The following HMGCLL1 variants were observed in gnomAD, a reference collection of about 807,000 sequenced individuals.
HMGCLL1 encodes 3-hydroxy-3-methylglutaryl-CoA lyase like 1, also known as 3-hydroxymethyl-3-methylglutaryl-CoA lyase, cytoplasmic.
A neutral mutation model predicts 39.1 loss-of-function variants in HMGCLL1; 36 were observed. The ratio of observed to expected loss-of-function variants is 0.92; its 90% CI spans 0.71 to 1.22. The LOEUF is 1.22. Among genes scored for constraint, HMGCLL1 ranks in the 50% most tolerant of loss-of-function variants. HMGCLL1 has a pLI of 0.00. For synonymous variants in HMGCLL1, 149 were observed against 144.0 expected, an observed-to-expected ratio of 1.03 and a Z score of -0.25; for missense variants, 451 against 416.5, an observed-to-expected ratio of 1.08 and a Z score of -0.72.
chr6:55,490,766 A>G (rs1766267216), intron 7 of HMGCLL1, among the ~76,000 whole-genome samples: 1 of 152,136 alleles, frequency 6.6e-6, no homozygotes, highest in Non-Finnish European at 1.5e-5. Flanking sequence ...GAAATAGATG[A>G]AGATTATATT....
the HMGCLL1 span, among the ~76,000 whole-genome samples, chr6:55,669,131 G>A: frequency 9.1e-4 from 129 of 142,066 alleles, no homozygotes; most frequent in Non-Finnish European, 1.7e-3. Flanking sequence ...AAAAAAAAAA[G>A]AAATGTTTTA....
chr6:55,483,710 C>T (rs533271947), intron 7 of HMGCLL1, among the ~76,000 whole-genome samples: 7 of 152,172 alleles, frequency 4.6e-5, no homozygotes, highest in Non-Finnish European at 8.8e-5. Context: ...GTTGAAATCC[C>T]GGTTCTACTA....
chr6:55,676,764 G>T, the HMGCLL1 span, among the ~76,000 whole-genome samples: 1 of 152,158 alleles, frequency 6.6e-6, no homozygotes, highest in East Asian at 1.9e-4. Context: ...TTCCATAAAA[G>T]AACCCATGTA....
At chr6:55,501,522 C>T (rs933158080) in intron 5 of HMGCLL1, among the ~76,000 whole-genome samples, 1 of 151,764 alleles carries the variant, frequency 6.6e-6, no homozygotes, top group African/African-American at 2.4e-5. Flanking sequence ...AGGCCTCTAC[C>T]GTCATGAATA....
the HMGCLL1 span, among the ~76,000 whole-genome samples, chr6:55,663,193 G>T: frequency 1.3e-5 from 2 of 149,186 alleles, no homozygotes. Flanking sequence ...CTTCAGTTCC[G>T]CTCTGATTTT....
chr6:55,665,305 T>A, the HMGCLL1 span, among the ~76,000 whole-genome samples: 3 of 151,738 alleles, frequency 2.0e-5, no homozygotes, highest in African/African-American at 7.3e-5. Flanking sequence ...ATATAATAGA[T>A]AATCAAGTTA....
the HMGCLL1 span, among the ~76,000 whole-genome samples, chr6:55,620,471 G>A: frequency 6.6e-6 from 1 of 152,038 alleles, no homozygotes. Flanking sequence ...CTTCGTATAT[G>A]TTTACCTTTT....
At chr6:55,614,370 C>A in the HMGCLL1 span, among the ~76,000 whole-genome samples, 6 of 152,178 alleles carry the variant, frequency 3.9e-5, no homozygotes, top group Non-Finnish European at 8.8e-5. Flanking sequence ...ATAAGAAGCA[C>A]GGTCTGCAAA....
chr6:55,541,980 A>G, intron 2 of HMGCLL1, 80 bp downstream of exon 2: 2 of 1,023,182 alleles, frequency 2.0e-6, no homozygotes, highest in South Asian at 2.9e-5. Flanking sequence ...ATCAGATAAC[A>G]TATGAAATCC....
At chr6:55,613,214 T>C in the HMGCLL1 span, among the ~76,000 whole-genome samples, 3 of 152,122 alleles carry the variant, frequency 2.0e-5, no homozygotes, top group East Asian at 3.9e-4. Flanking sequence ...CACTTATCAT[T>C]AGAGAAATGC....
chr6:55,650,493 C>A, the HMGCLL1 span, among the ~76,000 whole-genome samples: 1,235 of 151,922 alleles, frequency 8.1e-3, 20 homozygotes, highest in Non-Finnish European at 0.01. Context: ...TCTGTTTGTG[C>A]TGAGCCACTG....
intron 7 of HMGCLL1, among the ~76,000 whole-genome samples, chr6:55,462,759 G>A (rs1010476432): frequency 6.6e-6 from 1 of 152,074 alleles, no homozygotes; most frequent in African/African-American, 2.4e-5. Flanking sequence ...AACTTCTTAT[G>A]TTGTAGGTAT....
intron 8 of HMGCLL1, among the ~76,000 whole-genome samples, chr6:55,437,701 C>T (rs890834162): frequency 8.5e-5 from 13 of 152,094 alleles, no homozygotes; most frequent in African/African-American, 2.2e-4. Flanking sequence ...CTCAAGCAGA[C>T]GTAGAGCCTA....
At chr6:55,547,177 G>T (rs899282076) in intron 1 of HMGCLL1, among the ~76,000 whole-genome samples, 1 of 151,986 alleles carries the variant, frequency 6.6e-6, no homozygotes, top group African/African-American at 2.4e-5. Context: ...AGTTATGGTT[G>T]AAGAAAATAA....
intron 8 of HMGCLL1, 129 bp downstream of exon 8, chr6:55,439,305 T>C: frequency 4.8e-6 from 4 of 839,576 alleles, no homozygotes; most frequent in Non-Finnish European, 7.3e-6. Flanking sequence ...ATTTTCCCAC[T>C]GTGCATTTTA....
the HMGCLL1 span, among the ~76,000 whole-genome samples, chr6:55,662,781 G>A: frequency 5.9e-5 from 9 of 151,684 alleles, no homozygotes; most frequent in East Asian, 1.6e-3. Context: ...TTGTACATCT[G>A]GTAGAATTTG....
At chr6:55,633,022 T>C in the HMGCLL1 span, among the ~76,000 whole-genome samples, 1 of 152,132 alleles carries the variant, frequency 6.6e-6, no homozygotes, top group Non-Finnish European at 1.5e-5. Context: ...AATTTACATG[T>C]ACAGCAGATG....
At chr6:55,637,596 C>T in the HMGCLL1 span, among the ~76,000 whole-genome samples, 1 of 152,090 alleles carries the variant, frequency 6.6e-6, no homozygotes, top group African/African-American at 2.4e-5. Context: ...TTAATACACT[C>T]TTCTGAGTAG....
At chr6:55,634,791 A>G in the HMGCLL1 span, among the ~76,000 whole-genome samples, 1 of 152,138 alleles carries the variant, frequency 6.6e-6, no homozygotes, top group Admixed American at 6.6e-5. Context: ...TCTCTAGAAG[A>G]TGTTTTACTT....
Sources: allele counts gnomAD v4.1 joint callset (sites outside exome capture counted in the v4.1 genomes callset), GRCh38; gene constraint gnomAD v4.1.1; transcripts MANE v1.5; gene names NCBI Gene and HGNC (gene_info 2026-07-23, HGNC 2026-07-21).